The following ARMH3 variants were observed in gnomAD, a reference collection of about 807,000 sequenced individuals.
ARMH3 encodes the protein armadillo like helical domain containing 3, also known as armadillo-like helical domain-containing protein 3.
A neutral mutation model predicts 99.1 loss-of-function variants in ARMH3; 60 were observed. The ratio of observed to expected loss-of-function variants is 0.61; its 90% CI spans 0.49 to 0.75. The LOEUF (loss-of-function observed/expected upper bound fraction) is 0.75. ARMH3 is among the 30% of genes least tolerant of loss of function. The probability of loss-of-function intolerance (pLI) is 0.00; values close to 1 mark genes in which losing one functional copy is unlikely to be tolerated. For missense variants in ARMH3, 679 were observed against 843.1 expected (o/e 0.81, Z 2.41); for synonymous variants, 285 against 292.8 (o/e 0.97, Z 0.27).
intron 23 of ARMH3, among the ~76,000 whole-genome samples, chr10:101,906,204 G>A (rs1564739276): frequency 6.6e-6 from 1 of 151,994 alleles, no homozygotes; most frequent in Non-Finnish European, 1.5e-5. Context: ...TATTTATTTT[G>A]GATTAATACT....
At chr10:101,970,646 AC>A (rs1374660991) in intron 20 of ARMH3, among the ~76,000 whole-genome samples, 2 of 151,640 alleles carry the variant, frequency 1.3e-5, no homozygotes, top group African/African-American at 4.8e-5. Context: ...ACATGATGAA[AC>A]CCCATCTCTA....
intron 15 of ARMH3, among the ~76,000 whole-genome samples, chr10:101,997,700 T>G (rs148369535): frequency 2.3e-3 from 352 of 152,230 alleles, no homozygotes; most frequent in African/African-American, 8.1e-3. Flanking sequence ...GGGTGGTAGG[T>G]TCACATATGT....
At chr10:101,871,844 T>C (rs2135368691) in intron 24 of ARMH3, among the ~76,000 whole-genome samples, 1 of 151,920 alleles carries the variant, frequency 6.6e-6, no homozygotes, top group East Asian at 1.9e-4. Context: ...CTACTAAATA[T>C]ACAAAAATTA....
intron 5 of ARMH3, among the ~76,000 whole-genome samples, chr10:102,028,822 T>C (rs533349692): frequency 2.0e-5 from 3 of 152,206 alleles, no homozygotes; most frequent in Non-Finnish European, 4.4e-5. Context: ...ATAGTGATGA[T>C]AATTGTATAA....
At chr10:102,042,838 C>T (rs931732953) in intron 1 of ARMH3, among the ~76,000 whole-genome samples, 6 of 152,186 alleles carry the variant, frequency 3.9e-5, no homozygotes, top group African/African-American at 1.4e-4. Flanking sequence ...TTTGGGAGGC[C>T]AAGGTGGGCG....
intron 23 of ARMH3, among the ~76,000 whole-genome samples, chr10:101,899,699 T>C (rs751028371): frequency 6.6e-6 from 1 of 152,216 alleles, no homozygotes; most frequent in Non-Finnish European, 1.5e-5. Context: ...TTTGAAACTA[T>C]CTAATCAAAA....
chr10:102,020,618 G>A (rs367661610), intron 8 of ARMH3, among the ~76,000 whole-genome samples: 43 of 149,574 alleles, frequency 2.9e-4, no homozygotes, highest in East Asian at 2.6e-3. Context: ...CCCAGGAGGC[G>A]GAGCTTGCAG....
At chr10:101,919,186 A>C (rs1843204694) in intron 23 of ARMH3, among the ~76,000 whole-genome samples, 1 of 152,054 alleles carries the variant, frequency 6.6e-6, no homozygotes, top group South Asian at 2.1e-4. Flanking sequence ...ACTCAAAGAA[A>C]TTCCTTTGTT....
In ARMH3 at chr10:102,023,466, A is replaced by C. The variant is rs1203410421; in HGVS notation, c.669+11T>G. On this transcript the variant is annotated intron_variant, in intron 8 of 25. Transcript: ENST00000370033. ...GGCAGATAACAACTGTCCACTAAGG[A>C]GCCCAGTTACCTCATATTTTCTATA... 5 of 1,608,240 alleles carry C rather than the reference A, an allele frequency of 3.1e-6. No individual in the cohort carries two copies. The highest frequency in any genetic ancestry group is 3.4e-6 in the Non-Finnish European group (4 of 1,175,146).
At chr10:101,850,518 G>A (rs1353766710) in intron 24 of ARMH3, among the ~76,000 whole-genome samples, 1 of 151,512 alleles carries the variant, frequency 6.6e-6, no homozygotes, top group Non-Finnish European at 1.5e-5. Flanking sequence ...TCTGCCTCCT[G>A]GGTTCAAGCA....
intron 8 of ARMH3, among the ~76,000 whole-genome samples, chr10:102,014,467 T>C (rs753580163): frequency 2.6e-5 from 4 of 152,216 alleles, no homozygotes; most frequent in Non-Finnish European, 4.4e-5. Context: ...AGTTGCTAAC[T>C]TATATTTTCA....
intron 24 of ARMH3, among the ~76,000 whole-genome samples, chr10:101,877,909 T>C (rs1334254048): frequency 2.6e-5 from 4 of 152,154 alleles, no homozygotes; most frequent in Non-Finnish European, 5.9e-5. Flanking sequence ...CATTCATTTT[T>C]AGTCTTTTTT....
chr10:101,915,258 G>C (rs1843029703), intron 23 of ARMH3, among the ~76,000 whole-genome samples: 1 of 152,138 alleles, frequency 6.6e-6, no homozygotes, highest in Admixed American at 6.5e-5. Context: ...GCCTCTTCAG[G>C]TCCAGTGCTG....
Position 101,849,771 on chromosome 10 carries a change from C to T in ARMH3, c.1977+5G>A. The stretch of plus-strand genomic sequence containing the variant: ...AGACACAGGCAGAGGCGGTGGGGCA[C>T]TCACCAGCTCTTTGAAGAAGGCAGC... On this transcript the variant is annotated splice_donor_5th_base_variant and intron_variant, in intron 25 of 25. Coordinates refer to ENST00000370033, the MANE Select transcript of ARMH3 (RefSeq NM_024541.3). 1 of 1,613,048 alleles carries T rather than the reference C, an allele frequency of 6.2e-7. No individual in the cohort carries two copies. Among genetic ancestry groups the T allele is most frequent in the Non-Finnish European group, 8.5e-7 (1 of 1,179,146 alleles).
chr10:101,928,450 C>T (rs1408279088), intron 23 of ARMH3, among the ~76,000 whole-genome samples: 1 of 152,164 alleles, frequency 6.6e-6, no homozygotes, highest in Non-Finnish European at 1.5e-5. Flanking sequence ...CTAATTTGAG[C>T]CAATAAAAAC....
chr10:101,886,057 C>CAA (rs539423343), intron 24 of ARMH3, among the ~76,000 whole-genome samples: 16 of 123,142 alleles, frequency 1.3e-4, no homozygotes, highest in African/African-American at 3.3e-4. Context: ...GACTCCATCT[C>CAA]AAAAAAAAAA....
chr10:101,865,275 A>T (rs1217943375), intron 24 of ARMH3, among the ~76,000 whole-genome samples: 1 of 152,074 alleles, frequency 6.6e-6, no homozygotes, highest in Non-Finnish European at 1.5e-5. Context: ...TTAAATATGT[A>T]ATGAACACGT....
intron 20 of ARMH3, among the ~76,000 whole-genome samples, chr10:101,963,407 G>A (rs1350337678): frequency 6.6e-6 from 1 of 151,970 alleles, no homozygotes; most frequent in African/African-American, 2.4e-5. Context: ...AAAGTGCTGG[G>A]ATTACAGGTG....
At chr10:101,948,396 T>TA (rs1253426067) in intron 22 of ARMH3, among the ~76,000 whole-genome samples, 2 of 151,920 alleles carry the variant, frequency 1.3e-5, no homozygotes. Flanking sequence ...AACTCACTTC[T>TA]AAAAAGAAAA....
Sources: gnomAD v4.1 joint callset for allele counts (sites outside exome capture counted in the v4.1 genomes callset) on GRCh38, gnomAD v4.1.1 for gene constraint, MANE v1.5 for transcripts, NCBI Gene and HGNC (gene_info 2026-07-23, HGNC 2026-07-21) for gene names.